The following UGT1A4 variants were observed in gnomAD, a reference collection of about 807,000 sequenced individuals.
UGT1A4 encodes UDP-glucuronosyltransferase 1A4.
A neutral mutation model predicts 41.1 loss-of-function variants in UGT1A4; 32 were observed. That is an observed-to-expected ratio of 0.78 (90% confidence interval 0.59 to 1.05). UGT1A4 has a LOEUF of 1.05. Among genes scored for constraint, UGT1A4 ranks in the 50% least tolerant of loss-of-function variants. The pLI, the probability that UGT1A4 is intolerant of heterozygous loss-of-function variation, is 0.00. For missense variants in UGT1A4, 748 were observed against 677.4 expected (o/e 1.10, Z -1.16); for synonymous variants, 283 against 265.1 (o/e 1.07, Z -0.66).
intron 1 of UGT1A4, chr2:233,747,431 A>C (rs184446696): frequency 1.0e-4 from 161 of 1,608,566 alleles, no homozygotes; most frequent in Middle Eastern, 1.7e-4. Flanking sequence ...AACAAGAGAA[A>C]TTTTTCACCC....
At chr2:233,730,094 A>G (rs1211055945) in intron 1 of UGT1A4, 2 of 1,593,062 alleles carry the variant, frequency 1.3e-6, no homozygotes, top group South Asian at 2.3e-5. Context: ...ATCTTTCCAA[A>G]TATTTCATTT....
chr2:233,751,852 T>C (rs1461134305), intron 1 of UGT1A4, among the ~76,000 whole-genome samples: 2 of 152,196 alleles, frequency 1.3e-5, no homozygotes, highest in East Asian at 1.9e-4. Context: ...TTTAAACCTT[T>C]GTCTTTTATA....
chr2:233,727,112 T>C (rs2077583232), intron 1 of UGT1A4, among the ~76,000 whole-genome samples: 1 of 152,214 alleles, frequency 6.6e-6, no homozygotes, highest in African/African-American at 2.4e-5. Context: ...TGTTTAGGTC[T>C]GTGAGATTGG....
chr2:233,760,575 G>C, intron 1 of UGT1A4: 1 of 1,614,226 alleles, frequency 6.2e-7, no homozygotes. Flanking sequence ...TTAGTCTCGG[G>C]CATAATGTTT....
chr2:233,722,845 CTT>C (rs61550889), intron 1 of UGT1A4, among the ~76,000 whole-genome samples: 22 of 135,308 alleles, frequency 1.6e-4, no homozygotes, highest in African/African-American at 3.8e-4. Flanking sequence ...AAGAATGTTT[CTT>C]TTTTTTTTTT....
At chr2:233,734,165 TG>T (rs2078494496) in intron 1 of UGT1A4, among the ~76,000 whole-genome samples, 1 of 152,186 alleles carries the variant, frequency 6.6e-6, no homozygotes, top group African/African-American at 2.4e-5. Context: ...GGACTTTTTT[TG>T]GTTGGTAGGC....
intron 1 of UGT1A4, among the ~76,000 whole-genome samples, chr2:233,730,912 AG>A (rs1229657899): frequency 1.3e-5 from 2 of 152,192 alleles, no homozygotes; most frequent in East Asian, 3.9e-4. Context: ...CAAAAATTTC[AG>A]AGGCAGCTTT....
chr2:233,763,565 C>A (rs1354806563), intron 1 of UGT1A4, among the ~76,000 whole-genome samples: 1 of 152,164 alleles, frequency 6.6e-6, no homozygotes, highest in Admixed American at 6.5e-5. Context: ...AGTTACTGTT[C>A]TTATTTTCTC....
chr2:233,749,861 C>T (rs1160641293), intron 1 of UGT1A4, among the ~76,000 whole-genome samples: 2 of 151,980 alleles, frequency 1.3e-5, no homozygotes, highest in Non-Finnish European at 2.9e-5. Context: ...CTCTCACTTT[C>T]TGCCAGGATT....
At chr2:233,759,598 G>T (rs1449245871) in intron 1 of UGT1A4, among the ~76,000 whole-genome samples, 1 of 32,538 alleles carries the variant, frequency 3.1e-5, no homozygotes, top group Non-Finnish European at 7.1e-5. Flanking sequence ...CCCCACCCCC[G>T]ACCCGCCCCA....
At chr2:233,724,199 C>T (rs1410873416) in intron 1 of UGT1A4, among the ~76,000 whole-genome samples, 7 of 127,042 alleles carry the variant, frequency 5.5e-5, no homozygotes, top group African/African-American at 1.3e-4. Context: ...GGTGGCTGGC[C>T]GGGCTGAGGG....
intron 1 of UGT1A4, among the ~76,000 whole-genome samples, chr2:233,766,812 C>T (rs2126028424): frequency 6.6e-6 from 1 of 152,290 alleles, no homozygotes; most frequent in African/African-American, 2.4e-5. Context: ...GATTTTGCAT[C>T]TCAAGGATAA....
chr2:233,750,351 C>G (rs148166585), intron 1 of UGT1A4, among the ~76,000 whole-genome samples: 13 of 151,972 alleles, frequency 8.6e-5, no homozygotes, highest in African/African-American at 2.4e-4. Context: ...GAAATTGGAA[C>G]TTATGTTTAA....
rs1575628986 is a variant in UGT1A4 at position 233,739,340 on chromosome 2, A to AT, written c.867+19653_867+19654insT. 3.9e-5 allele frequency among the ~76,000 whole-genome samples: 6 copies of AT among 152,276 alleles called. No individual in the cohort carries two copies. In the East Asian group the frequency reaches 5.8e-4, roughly 15 times the overall value. On this transcript the variant is annotated intron_variant, in intron 1 of 4. Coordinates refer to ENST00000373409, the MANE Select transcript of UGT1A4 (RefSeq NM_007120.3). Reference sequence around the variant, plus strand: ...GAGAAGAAGGCCACAGTCCTTCAGAACCCAGAAGGGCAGATCCAATAGCTT... The same window carrying AT: ...GAGAAGAAGGCCACAGTCCTTCAGAATCCCAGAAGGGCAGATCCAATAGCTT...
chr2:233,757,196 T>A (rs1166696212), intron 1 of UGT1A4, among the ~76,000 whole-genome samples: 4 of 150,888 alleles, frequency 2.7e-5, no homozygotes, highest in Admixed American at 6.6e-5. Flanking sequence ...CTCTGAATTT[T>A]CTGTGCCCAG....
chr2:233,758,179 A>G (rs1285380219), intron 1 of UGT1A4, among the ~76,000 whole-genome samples: 1 of 152,230 alleles, frequency 6.6e-6, no homozygotes, highest in African/African-American at 2.4e-5. Context: ...CAGAGCAGAT[A>G]TTAATTGGAT....
intron 1 of UGT1A4, chr2:233,743,449 G>C (rs771301493): frequency 7.3e-7 from 1 of 1,365,064 alleles, no homozygotes; most frequent in South Asian, 1.1e-5. Flanking sequence ...TGTATCAAAA[G>C]AAGAAAAAAC....
At chr2:233,755,032 C>G (rs753512191) in intron 1 of UGT1A4, 1 of 1,314,500 alleles carries the variant, frequency 7.6e-7, no homozygotes, top group South Asian at 1.1e-5. Flanking sequence ...AAGGGCCTGC[C>G]GCCTGCGCAG....
chr2:233,723,296 G>A (rs2077075568), intron 1 of UGT1A4, among the ~76,000 whole-genome samples: 1 of 113,420 alleles, frequency 8.8e-6, no homozygotes. Flanking sequence ...TGCAACCTCT[G>A]CCTCCCAGGT....
Sources: gnomAD v4.1 joint callset for allele counts (sites outside exome capture counted in the v4.1 genomes callset) on GRCh38, gnomAD v4.1.1 for gene constraint, MANE v1.5 for transcripts, NCBI Gene and HGNC (gene_info 2026-07-23, HGNC 2026-07-21) for gene names.